Variants in PBRM1 observed in about 807,000 individuals in gnomAD.
PBRM1 encodes the protein protein polybromo-1.
In PBRM1, 27 loss-of-function variants were observed where a neutral mutation model predicts 194.5. The ratio of observed to expected loss-of-function variants is 0.14; its 90% CI spans 0.10 to 0.19. The LOEUF (loss-of-function observed/expected upper bound fraction) is 0.19. PBRM1 is among the 10% of genes least tolerant of loss of function. The pLI is 1.00. For missense variants in PBRM1, 1,466 were observed against 2,077.2 expected (o/e 0.71, Z 5.72); for synonymous variants, 655 against 693.2 (o/e 0.94, Z 0.87).
At chr3:52,626,355 G>T (rs899693718) in intron 13 of PBRM1, among the ~76,000 whole-genome samples, 16 of 152,212 alleles carry the variant, frequency 1.1e-4, no homozygotes, top group Admixed American at 4.6e-4. Context: ...AAGAAGGAAA[G>T]CAGGACAGCT....
intron 14 of PBRM1, 82 bp downstream of exon 16, chr3:52,617,180 G>A: frequency 9.2e-7 from 1 of 1,081,686 alleles, no homozygotes; most frequent in Non-Finnish European, 1.3e-6. Flanking sequence ...AGCCTCTAGA[G>A]CTGGTCTCTC....
chr3:52,615,308 CT>C, intron 15 of PBRM1, 42 bp downstream of exon 17: 1 of 1,049,722 alleles, frequency 9.5e-7, no homozygotes, highest in Non-Finnish European at 1.5e-6. Context: ...GCAATCTCTT[CT>C]TGATAGACTA....
intron 17 of PBRM1, among the ~76,000 whole-genome samples, chr3:52,602,617 C>A (rs1233464294): frequency 6.6e-6 from 1 of 152,180 alleles, no homozygotes; most frequent in African/African-American, 2.4e-5. Flanking sequence ...CAGCTTTACT[C>A]CATGCATTTC....
At chr3:52,605,599 GTC>G (rs1218943028) in intron 16 of PBRM1, among the ~76,000 whole-genome samples, 12 of 148,798 alleles carry the variant, frequency 8.1e-5, no homozygotes, top group Admixed American at 6.7e-5. Context: ...TTTCCGGAAA[GTC>G]TCTTTTTTTT....
chr3:52,590,513 T>A (rs2092927291), intron 17 of PBRM1, among the ~76,000 whole-genome samples: 1 of 152,200 alleles, frequency 6.6e-6, no homozygotes, highest in Non-Finnish European at 1.5e-5. Context: ...CACAGGGTTT[T>A]TATTGAGGAT....
intron 17 of PBRM1, among the ~76,000 whole-genome samples, chr3:52,598,121 AT>A (rs1371003949): frequency 6.6e-6 from 1 of 152,194 alleles, no homozygotes; most frequent in Non-Finnish European, 1.5e-5. Flanking sequence ...CACACACCAC[AT>A]AATTCACCTA....
rs955659818 is a variant in PBRM1 at position 52,609,259 on chromosome 3, G to C, written c.2567+54C>G. The C allele has an allele frequency of 7.4e-6, 10 of 1,349,656 alleles. No homozygotes were observed. In the African/African-American group the frequency reaches 1.3e-4, roughly 18 times the overall value. The allele number at this position is 1,349,656 out of a possible 1,614,324, so 83.6% of individuals were successfully genotyped here. ...ACATCAAAGCAATATTCTTTCATCT[G>C]TTTTGTATTAAATAGCACATATCCT... is the stretch of plus-strand genomic sequence containing the variant. On this transcript the variant is annotated intron_variant, in intron 16 of 29. Coordinates refer to ENST00000296302, the Ensembl canonical transcript of PBRM1. This position sits in a 1 kb window ranked among gnomAD's most constrained non-coding sequence, Gnocchi z 4.1.
chr3:52,658,466 C>A, intron 4 of PBRM1, 151 bp from the exon 6 acceptor site: 5 of 485,696 alleles, frequency 1.0e-5, no homozygotes, highest in Non-Finnish European at 1.5e-5. Context: ...ACAATTTCAG[C>A]TCACTGCAAC....
At chr3:52,550,361 C>A in intron 29 of PBRM1, 60 bp downstream of exon 31, 1 of 792,104 alleles carries the variant, frequency 1.3e-6, no homozygotes, top group South Asian at 3.4e-5. Flanking sequence ...ATGCTAACAG[C>A]AGTAAGACAG....
At chr3:52,640,972 C>T (rs912213032) in intron 10 of PBRM1, among the ~76,000 whole-genome samples, 1 of 152,140 alleles carries the variant, frequency 6.6e-6, no homozygotes, top group East Asian at 1.9e-4. Context: ...AAAAACAATG[C>T]TAACAAGAAG....
intron 10 of PBRM1, among the ~76,000 whole-genome samples, chr3:52,635,343 G>C (rs940905121): frequency 6.6e-6 from 1 of 152,122 alleles, no homozygotes; most frequent in Non-Finnish European, 1.5e-5. Context: ...CAAGGTGGGT[G>C]AATCACAAGG....
intron 24 of PBRM1, among the ~76,000 whole-genome samples, chr3:52,562,395 C>T (rs888014818): frequency 2.0e-5 from 3 of 151,758 alleles, no homozygotes; most frequent in Non-Finnish European, 2.9e-5. Context: ...TTTATTGACA[C>T]GTTTGGTTTA....
intron 17 of PBRM1, among the ~76,000 whole-genome samples, chr3:52,589,693 A>G (rs2092822225): frequency 6.6e-6 from 1 of 152,222 alleles, no homozygotes; most frequent in Non-Finnish European, 1.5e-5. Context: ...GACACATTTA[A>G]TGGAGTCTTA....
At chr3:52,644,050 A>G (rs953570710) in intron 8 of PBRM1, among the ~76,000 whole-genome samples, 1 of 151,930 alleles carries the variant, frequency 6.6e-6, no homozygotes, top group African/African-American at 2.4e-5. Context: ...AAATAGCCTT[A>G]CCAAAAATAT....
At chr3:52,649,070 G>GT (rs2153788561) in intron 6 of PBRM1, among the ~76,000 whole-genome samples, 1 of 152,274 alleles carries the variant, frequency 6.6e-6, no homozygotes, top group African/African-American at 2.4e-5. Context: ...TCTAGAGAGA[G>GT]TAAGGAAACC....
At chr3:52,564,290 CTG>C in intron 22 of PBRM1, 57 bp from the exon 25 acceptor site, 1 of 1,229,448 alleles carries the variant, frequency 8.1e-7, no homozygotes, top group South Asian at 1.3e-5. Context: ...TAGTTACTAA[CTG>C]TTTTAACATT....
intron 17 of PBRM1, among the ~76,000 whole-genome samples, chr3:52,594,414 C>A (rs546836870): frequency 6.6e-6 from 1 of 151,904 alleles, no homozygotes; most frequent in Non-Finnish European, 1.5e-5. Context: ...TTTCTGTTTT[C>A]CATTTGCTTG....
At position 52,574,542 on chromosome 3, in the gene PBRM1, G is replaced by A. The variant is rs9834919; in HGVS notation, c.3691+1999C>T. On this transcript the variant is annotated intron_variant, in intron 22 of 29. Coordinates refer to ENST00000296302, the Ensembl canonical transcript of PBRM1. ...AAGGCCTCAGAGGAAAAGATGAGGA[G>A]TGAGATGCTTTGGCCAATAAGGGTT... Among the ~76,000 whole-genome samples, 1,256 of 152,296 alleles carry A rather than the reference G, an allele frequency of 8.2e-3. 18 individuals are homozygous for A. Among genetic ancestry groups the A allele is most frequent in the African/African-American group, 0.029 (1,203 of 41,550 alleles).
intron 25 of PBRM1, among the ~76,000 whole-genome samples, chr3:52,559,261 G>A (rs1033375930): frequency 5.3e-5 from 8 of 152,094 alleles, no homozygotes; most frequent in Non-Finnish European, 2.9e-5. Flanking sequence ...GTTCTGGGCC[G>A]TAGAATACAT....
Sources: allele counts gnomAD v4.1 joint callset (sites outside exome capture counted in the v4.1 genomes callset), GRCh38; gene constraint gnomAD v4.1.1; non-coding constraint Gnocchi (gnomAD v3.1); transcripts MANE v1.5; gene names NCBI Gene and HGNC (gene_info 2026-07-23, HGNC 2026-07-21).